FAM107B: variants seen among roughly 807,000 people sequenced by gnomAD.
FAM107B encodes protein FAM107B.
Under a neutral mutation model 31.5 loss-of-function variants are expected in FAM107B, and 21 were observed. That is an observed-to-expected ratio of 0.67 (90% CI 0.47 to 0.96). FAM107B has a LOEUF of 0.96. Ranked by LOEUF, FAM107B falls within the 40% of genes least tolerant of loss-of-function variation. FAM107B has a pLI of 0.00. For missense variants in FAM107B, 452 were observed against 377.1 expected (o/e 1.20, Z -1.64); for synonymous variants, 157 against 141.5 (o/e 1.11, Z -0.78).
At chr10:14,555,726 C>T (rs17257004) in intron 2 of FAM107B, 6,898 of 152,306 alleles carry the variant, frequency 0.045, 201 homozygotes, top group Non-Finnish European at 0.072. Context: ...CAGGTCTAAA[C>T]GTCAGAAACG....
chr10:14,735,353 A>C (rs1486719057), intron 1 of FAM107B, among the ~76,000 whole-genome samples: 1 of 151,992 alleles, frequency 6.6e-6, no homozygotes, highest in Non-Finnish European at 1.5e-5. Context: ...GGCCCAAGAC[A>C]ATTCTTCTCT....
At chr10:14,765,214 T>A (rs1194943937) in intron 1 of FAM107B, among the ~76,000 whole-genome samples, 2 of 152,250 alleles carry the variant, frequency 1.3e-5, no homozygotes, top group Non-Finnish European at 2.9e-5. Flanking sequence ...TGCTTTAAAA[T>A]TTGGTTAAAT....
At chr10:14,548,567 C>T in intron 2 of FAM107B, 1 of 985,428 alleles carries the variant, frequency 1.0e-6, no homozygotes, top group Non-Finnish European at 1.2e-6. Context: ...AGCCCTGCCT[C>T]AGCTGCCCCA....
intron 1 of FAM107B, among the ~76,000 whole-genome samples, chr10:14,726,308 C>T (rs76882717): frequency 0.053 from 8,041 of 152,118 alleles, 290 homozygotes; most frequent in Non-Finnish European, 0.079. Context: ...CAGTCAAATC[C>T]GGGGAAAATG....
chr10:14,671,595 C>T (rs1588696570), intron 1 of FAM107B, among the ~76,000 whole-genome samples: 2 of 152,198 alleles, frequency 1.3e-5, no homozygotes, highest in African/African-American at 2.4e-5. Context: ...GTTAGTGAGA[C>T]CTAATGAGAT....
At chr10:14,700,531 A>T (rs1417400424) in intron 1 of FAM107B, among the ~76,000 whole-genome samples, 1 of 151,980 alleles carries the variant, frequency 6.6e-6, no homozygotes, top group Non-Finnish European at 1.5e-5. Flanking sequence ...CAATAAAAAG[A>T]TCAATGTCCT....
chr10:14,721,656 G>C (rs1260606224), intron 1 of FAM107B, among the ~76,000 whole-genome samples: 1 of 152,222 alleles, frequency 6.6e-6, no homozygotes, highest in African/African-American at 2.4e-5. Flanking sequence ...TTTGAGAAGT[G>C]TCTGTTCATA....
intron 2 of FAM107B, among the ~76,000 whole-genome samples, chr10:14,582,378 T>TTC (rs1336560957): frequency 3.0e-4 from 42 of 140,654 alleles, no homozygotes; most frequent in Admixed American, 8.4e-4. Context: ...TTCTTTTCTT[T>TTC]TTTTTTTTTT....
chr10:14,531,668 C>A (rs932607972), intron 2 of FAM107B, among the ~76,000 whole-genome samples: 1 of 151,832 alleles, frequency 6.6e-6, no homozygotes, highest in Non-Finnish European at 1.5e-5. Context: ...ATGATGAAAC[C>A]CTGTCTCTAC....
At chr10:14,586,594 C>T (rs1391051924) in intron 2 of FAM107B, among the ~76,000 whole-genome samples, 1 of 152,136 alleles carries the variant, frequency 6.6e-6, no homozygotes, top group Admixed American at 6.6e-5. Flanking sequence ...TGTGGGGATA[C>T]AGCAAAAAGG....
chr10:14,598,223 G>A (rs1054405781), intron 2 of FAM107B, among the ~76,000 whole-genome samples: 27 of 152,118 alleles, frequency 1.8e-4, no homozygotes, highest in African/African-American at 6.0e-4. Flanking sequence ...TGCTTTTAGC[G>A]TGGCAGCCGC....
intron 2 of FAM107B, among the ~76,000 whole-genome samples, chr10:14,662,553 T>A (rs1854273560): frequency 6.6e-6 from 1 of 152,098 alleles, no homozygotes; most frequent in African/African-American, 2.4e-5. Context: ...ATTTTTTAAT[T>A]TTTTTGTAGA....
At chr10:14,712,826 C>A (rs1187052311) in intron 1 of FAM107B, among the ~76,000 whole-genome samples, 1 of 152,130 alleles carries the variant, frequency 6.6e-6, no homozygotes, top group Admixed American at 6.5e-5. Context: ...CCAGGAAGGG[C>A]CTTGTTTTAG....
At chr10:14,545,153 G>A (rs1226981245) in intron 2 of FAM107B, among the ~76,000 whole-genome samples, 1 of 152,084 alleles carries the variant, frequency 6.6e-6, no homozygotes, top group Non-Finnish European at 1.5e-5. Context: ...GCGAGACTAG[G>A]TGACTTGCCT....
intron 1 of FAM107B, among the ~76,000 whole-genome samples, chr10:14,694,471 C>T (rs6602754): frequency 0.085 from 12,981 of 152,204 alleles, 739 homozygotes; most frequent in East Asian, 0.24. Flanking sequence ...GCAACCTCTG[C>T]CTCCTGGGTT....
chr10:14,671,969 T>C (rs939969836), intron 1 of FAM107B, among the ~76,000 whole-genome samples: 4 of 151,082 alleles, frequency 2.6e-5, no homozygotes, highest in Non-Finnish European at 4.4e-5. Context: ...AAAGAATGAG[T>C]CCTAACTGAT....
At chr10:14,717,365 G>A (rs924121127) in intron 1 of FAM107B, among the ~76,000 whole-genome samples, 4 of 152,152 alleles carry the variant, frequency 2.6e-5, no homozygotes, top group Non-Finnish European at 5.9e-5. Context: ...ATTGCAAGGT[G>A]AGGTCTCCCA....
At chr10:14,732,715 T>C (rs568922160) in intron 1 of FAM107B, among the ~76,000 whole-genome samples, 57 of 150,854 alleles carry the variant, frequency 3.8e-4, no homozygotes, top group Non-Finnish European at 1.5e-4. Flanking sequence ...GCATACATAA[T>C]AATAATATCA....
chr10:14,726,256 G>T (rs577646527), intron 1 of FAM107B, among the ~76,000 whole-genome samples: 116 of 152,286 alleles, frequency 7.6e-4, no homozygotes, highest in African/African-American at 2.4e-3. Flanking sequence ...GCCTCCCAAA[G>T]TACTGGGATT....
Sources: gnomAD v4.1 joint callset for allele counts (sites outside exome capture counted in the v4.1 genomes callset) on GRCh38, gnomAD v4.1.1 for gene constraint, MANE v1.5 for transcripts, NCBI Gene and HGNC (gene_info 2026-07-23, HGNC 2026-07-21) for gene names.